The following MAF variants were observed in gnomAD, a reference collection of about 807,000 sequenced individuals.
MAF encodes MAF bZIP transcription factor, also known as transcription factor Maf.
MAF carries 10 observed loss-of-function variants against 22.0 expected under a neutral mutation model. The ratio of observed to expected loss-of-function variants is 0.45; its 90% CI spans 0.28 to 0.77. The LOEUF (loss-of-function observed/expected upper bound fraction) is 0.77. Among genes scored for constraint, MAF ranks in the 30% least tolerant of loss-of-function variants. MAF has a pLI of 0.12. For synonymous variants in MAF, 337 were observed against 255.8 expected (o/e 1.32, Z -3.03); for missense variants, 544 against 548.4 (o/e 0.99, Z 0.08).
chr16:79,455,584 GT>G, the MAF span, among the ~76,000 whole-genome samples: 1 of 152,106 alleles, frequency 6.6e-6, no homozygotes, highest in East Asian at 1.9e-4. Context: ...TAAATAACTT[GT>G]TTTTTCTCCC....
chr16:79,395,206 G>C, the MAF span, among the ~76,000 whole-genome samples: 1 of 152,176 alleles, frequency 6.6e-6, no homozygotes, highest in Non-Finnish European at 1.5e-5. Context: ...TTAGGCCTGA[G>C]CCTGTGCCTG....
chr16:79,483,756 C>T, the MAF span, among the ~76,000 whole-genome samples: 2 of 152,160 alleles, frequency 1.3e-5, no homozygotes, highest in Non-Finnish European at 2.9e-5. Flanking sequence ...GCCAGGCAAG[C>T]TTCTGGGGCT....
chr16:79,266,243 C>T, the MAF span, among the ~76,000 whole-genome samples: 1 of 152,150 alleles, frequency 6.6e-6, no homozygotes, highest in Non-Finnish European at 1.5e-5. Context: ...CTCAGAATGG[C>T]ACACAATTTA....
the MAF span, among the ~76,000 whole-genome samples, chr16:79,440,210 G>A: frequency 2.6e-4 from 39 of 152,304 alleles, no homozygotes; most frequent in African/African-American, 9.1e-4. Context: ...AGAAAAGGGG[G>A]CTCTTGCTGC....
chr16:79,324,308 A>G, the MAF span, among the ~76,000 whole-genome samples: 26 of 152,252 alleles, frequency 1.7e-4, no homozygotes, highest in African/African-American at 2.4e-5. Context: ...ATGGGTTTGA[A>G]TTGTGTGGGT....
the MAF span, among the ~76,000 whole-genome samples, chr16:79,332,976 C>T: frequency 0.011 from 1,612 of 152,328 alleles, 32 homozygotes; most frequent in African/African-American, 0.037. Context: ...GCCCAGCTCA[C>T]CCCCTGTCTC....
At chr16:79,295,188 C>G in the MAF span, among the ~76,000 whole-genome samples, 1 of 152,290 alleles carries the variant, frequency 6.6e-6, no homozygotes, top group South Asian at 2.1e-4. Flanking sequence ...TCAGCCCACA[C>G]TCCTTGCTGC....
the MAF span, among the ~76,000 whole-genome samples, chr16:79,415,518 G>C: frequency 6.6e-6 from 1 of 152,176 alleles, no homozygotes; most frequent in African/African-American, 2.4e-5. Context: ...CCTTAAATTA[G>C]GAATGGCTCA....
the MAF span, among the ~76,000 whole-genome samples, chr16:79,331,365 G>A: frequency 5.4e-4 from 82 of 152,296 alleles, no homozygotes; most frequent in African/African-American, 1.8e-3. Context: ...AGCTGGCCCC[G>A]CTTAGGGCAT....
At chr16:79,390,401 G>A in the MAF span, among the ~76,000 whole-genome samples, 1 of 152,152 alleles carries the variant, frequency 6.6e-6, no homozygotes, top group Non-Finnish European at 1.5e-5. Context: ...AGCTCTGGCT[G>A]ACCTCTAAAT....
At chr16:79,280,868 T>A in the MAF span, among the ~76,000 whole-genome samples, 1 of 152,216 alleles carries the variant, frequency 6.6e-6, no homozygotes, top group African/African-American at 2.4e-5. Flanking sequence ...CTGATGCGGA[T>A]TCCTTATTGA....
At chr16:79,516,673 A>C in the MAF span, among the ~76,000 whole-genome samples, 1 of 152,224 alleles carries the variant, frequency 6.6e-6, no homozygotes, top group African/African-American at 2.4e-5. Context: ...TGAAGATGGC[A>C]ATTTTATTAT....
chr16:79,244,933 C>G, the MAF span, among the ~76,000 whole-genome samples: 1 of 152,076 alleles, frequency 6.6e-6, no homozygotes, highest in African/African-American at 2.4e-5. Context: ...ACCATCTGAT[C>G]TTTTACAAAC....
At chr16:79,457,822 T>C in the MAF span, among the ~76,000 whole-genome samples, 1 of 152,098 alleles carries the variant, frequency 6.6e-6, no homozygotes, top group South Asian at 2.1e-4. Context: ...GGACCTGAAA[T>C]GCCATCGCAA....
At chr16:79,376,071 G>T in the MAF span, among the ~76,000 whole-genome samples, 1 of 150,732 alleles carries the variant, frequency 6.6e-6, no homozygotes, top group Non-Finnish European at 1.5e-5. Flanking sequence ...TTGCCTGGGA[G>T]AACAGTGAAG....
the MAF span, among the ~76,000 whole-genome samples, chr16:79,366,619 T>C: frequency 2.0e-5 from 3 of 152,178 alleles, no homozygotes. Flanking sequence ...AAATGAAGGA[T>C]GTGGATTTCT....
the MAF span, among the ~76,000 whole-genome samples, chr16:79,510,525 A>C: frequency 6.6e-6 from 1 of 152,170 alleles, no homozygotes; most frequent in African/African-American, 2.4e-5. Context: ...TTTGGGTTCC[A>C]GAATGGAAGG....
the MAF span, among the ~76,000 whole-genome samples, chr16:79,271,959 G>A: frequency 6.6e-6 from 1 of 152,196 alleles, no homozygotes; most frequent in Non-Finnish European, 1.5e-5. Flanking sequence ...CAGGATATGG[G>A]ATCCAAGAGG....
At chr16:79,396,226 G>A in the MAF span, among the ~76,000 whole-genome samples, 2 of 152,178 alleles carry the variant, frequency 1.3e-5, no homozygotes, top group Non-Finnish European at 2.9e-5. Flanking sequence ...CACTACTGGA[G>A]GCTTGGACGC....
Sources: allele counts gnomAD v4.1 joint callset (sites outside exome capture counted in the v4.1 genomes callset), GRCh38; gene constraint gnomAD v4.1.1; transcripts MANE v1.5; gene names NCBI Gene and HGNC (gene_info 2026-07-23, HGNC 2026-07-21).